ROBO2: variants seen among roughly 807,000 people sequenced by gnomAD.
ROBO2 encodes the protein roundabout guidance receptor 2.
A neutral mutation model predicts 160.8 loss-of-function variants in ROBO2; 53 were observed. That is an observed-to-expected ratio of 0.33 (90% CI 0.26 to 0.41). The LOEUF is 0.41. Ranked by LOEUF, ROBO2 falls within the 10% of genes least tolerant of loss-of-function variation. The pLI is 1.00. For missense variants in ROBO2, 1,577 were observed against 1,722.4 expected (o/e 0.92, Z 1.49); for synonymous variants, 664 against 611.7 (o/e 1.09, Z -1.26).
chr3:77,449,452 A>G (rs2080902578), intron 2 of ROBO2, among the ~76,000 whole-genome samples: 2 of 152,138 alleles, frequency 1.3e-5, no homozygotes, highest in Admixed American at 1.3e-4. Flanking sequence ...AAGTCCATAC[A>G]TCTTGAACAA....
chr3:76,604,957 A>G (rs1232066793), intron 2 of ROBO2, among the ~76,000 whole-genome samples: 1 of 152,320 alleles, frequency 6.6e-6, no homozygotes, highest in East Asian at 1.9e-4. Flanking sequence ...GCATAGGTTA[A>G]GGAAAAGCAA....
intron 2 of ROBO2, among the ~76,000 whole-genome samples, chr3:76,915,400 C>T (rs2076237877): frequency 6.6e-6 from 1 of 152,076 alleles, no homozygotes; most frequent in South Asian, 2.1e-4. Flanking sequence ...GTGGCTCACA[C>T]CTGTAATCCC....
intron 2 of ROBO2, among the ~76,000 whole-genome samples, chr3:76,219,961 A>C (rs1241222960): frequency 6.6e-6 from 1 of 152,038 alleles, no homozygotes; most frequent in African/African-American, 2.4e-5. Flanking sequence ...GATTAAGAAA[A>C]TGTGGCACAT....
chr3:77,245,385 AG>A (rs546225204), intron 2 of ROBO2, among the ~76,000 whole-genome samples: 41 of 152,296 alleles, frequency 2.7e-4, no homozygotes, highest in African/African-American at 9.6e-4. Flanking sequence ...GACATTTGTT[AG>A]GTAGATTTGA....
At chr3:77,431,110 C>A (rs1341368104) in intron 2 of ROBO2, among the ~76,000 whole-genome samples, 1 of 152,196 alleles carries the variant, frequency 6.6e-6, no homozygotes, top group African/African-American at 2.4e-5. Context: ...TATAGTGCAA[C>A]AACAGACTCA....
intron 2 of ROBO2, among the ~76,000 whole-genome samples, chr3:77,254,645 T>C (rs1486245273): frequency 6.6e-6 from 1 of 152,204 alleles, no homozygotes; most frequent in East Asian, 1.9e-4. Flanking sequence ...GTTGTGTTTA[T>C]TCTTAATAAT....
At chr3:76,086,839 A>G (rs1172745520) in intron 2 of ROBO2, among the ~76,000 whole-genome samples, 1 of 152,190 alleles carries the variant, frequency 6.6e-6, no homozygotes, top group Non-Finnish European at 1.5e-5. Flanking sequence ...TAAACAGATG[A>G]AAATTATAAA....
intron 2 of ROBO2, among the ~76,000 whole-genome samples, chr3:76,726,085 G>GT (rs1482268948): frequency 3.9e-5 from 6 of 152,100 alleles, no homozygotes; most frequent in Non-Finnish European, 5.9e-5. Context: ...ACATCAGTCT[G>GT]TTTTTTCTTA....
chr3:76,877,196 A>C (rs771579511), intron 2 of ROBO2, among the ~76,000 whole-genome samples: 7 of 152,184 alleles, frequency 4.6e-5, no homozygotes, highest in Non-Finnish European at 7.3e-5. Flanking sequence ...AAGAAATAAG[A>C]TTATAACATT....
chr3:77,200,427 C>G (rs982504978), intron 2 of ROBO2, among the ~76,000 whole-genome samples: 1 of 149,802 alleles, frequency 6.7e-6, no homozygotes, highest in East Asian at 2.0e-4. Context: ...TTTAGAGCCA[C>G]GAAGAAAAAC....
At chr3:77,459,003 T>G (rs2081975944) in intron 2 of ROBO2, among the ~76,000 whole-genome samples, 1 of 152,180 alleles carries the variant, frequency 6.6e-6, no homozygotes, top group Non-Finnish European at 1.5e-5. Context: ...TCAATTGACC[T>G]TATAGACAAG....
At chr3:76,896,427 C>T (rs977724963) in intron 2 of ROBO2, among the ~76,000 whole-genome samples, 1 of 151,912 alleles carries the variant, frequency 6.6e-6, no homozygotes, top group Non-Finnish European at 1.5e-5. Context: ...GTATTGACTA[C>T]TTAAATCCTG....
At chr3:77,438,883 A>G (rs2079609634) in intron 2 of ROBO2, among the ~76,000 whole-genome samples, 1 of 152,016 alleles carries the variant, frequency 6.6e-6, no homozygotes, top group Non-Finnish European at 1.5e-5. Flanking sequence ...AATAACTCAT[A>G]TTGGCTTTGT....
intron 2 of ROBO2, among the ~76,000 whole-genome samples, chr3:76,705,407 G>T (rs2093139399): frequency 6.6e-6 from 1 of 152,072 alleles, no homozygotes. Context: ...AATACGTAAA[G>T]GGGTATGTGT....
intron 2 of ROBO2, among the ~76,000 whole-genome samples, chr3:76,138,610 C>T (rs2071516862): frequency 6.6e-6 from 1 of 151,954 alleles, no homozygotes; most frequent in African/African-American, 2.4e-5. Flanking sequence ...TGAATTTTTT[C>T]AATCAAGAGA....
intron 6 of ROBO2, among the ~76,000 whole-genome samples, chr3:77,542,266 A>G (rs1461240485): frequency 2.0e-5 from 3 of 149,642 alleles, no homozygotes; most frequent in African/African-American, 7.4e-5. Flanking sequence ...AGTAAAAGTG[A>G]TTGATGCAAT....
At chr3:75,973,869 T>G (rs999629859) in intron 2 of ROBO2, among the ~76,000 whole-genome samples, 2 of 150,880 alleles carry the variant, frequency 1.3e-5, no homozygotes, top group African/African-American at 4.9e-5. Context: ...AGGCAGAAGA[T>G]TAAAATTAAT....
chr3:76,665,271 C>T (rs542101921), intron 2 of ROBO2, among the ~76,000 whole-genome samples: 1 of 152,114 alleles, frequency 6.6e-6, no homozygotes, highest in East Asian at 1.9e-4. Context: ...AAAAATATTT[C>T]ATATATGTTA....
chr3:76,682,195 G>A (rs1410474178), intron 2 of ROBO2, among the ~76,000 whole-genome samples: 1 of 152,082 alleles, frequency 6.6e-6, no homozygotes, highest in African/African-American at 2.4e-5. Flanking sequence ...GAAAAAGGGA[G>A]AAATCAAGAA....
Sources: gnomAD v4.1 joint callset for allele counts (sites outside exome capture counted in the v4.1 genomes callset) on GRCh38, gnomAD v4.1.1 for gene constraint, MANE v1.5 for transcripts, NCBI Gene and HGNC (gene_info 2026-07-23, HGNC 2026-07-21) for gene names.